Variants in INPP5A observed in about 807,000 individuals in gnomAD.
INPP5A encodes the protein inositol polyphosphate-5-phosphatase A.
A neutral mutation model predicts 65.2 loss-of-function variants in INPP5A; 14 were observed. The ratio of observed to expected loss-of-function variants is 0.21; its 90% CI spans 0.14 to 0.34. The LOEUF (loss-of-function observed/expected upper bound fraction) is 0.34, where lower values mean the gene tolerates loss of function less well. INPP5A is among the 10% of genes least tolerant of loss of function. The pLI is 1.00. For synonymous variants in INPP5A, 207 were observed against 208.3 expected, an observed-to-expected ratio of 0.99 and a Z score of 0.05; for missense variants, 431 against 545.6, an observed-to-expected ratio of 0.79 and a Z score of 2.09.
intron 5 of INPP5A, among the ~76,000 whole-genome samples, chr10:132,691,931 G>A (rs530444164): frequency 2.0e-5 from 3 of 152,126 alleles, no homozygotes; most frequent in South Asian, 2.1e-4. Flanking sequence ...CGGGGTGTGC[G>A]GTCGCGGGAG....
Position 132,650,619 on chromosome 10 carries a change from C to A in INPP5A, c.306+114C>A. The A allele has an allele frequency of 1.3e-6, 1 of 742,488 alleles. No individual in the cohort carries two copies. The highest frequency in any genetic ancestry group is 2.4e-6 in the Non-Finnish European group (1 of 425,268). The allele number at this position is 742,488 out of a possible 1,614,324, so 46.0% of individuals were successfully genotyped here. Reference sequence around the variant, plus strand: ...GGGGTGCTCCCTGCCTGAAGCCTCACTCACGCTGCCCTGCCTGGCACTCCC... The same window carrying A: ...GGGGTGCTCCCTGCCTGAAGCCTCAATCACGCTGCCCTGCCTGGCACTCCC... On this transcript the variant is annotated intron_variant, in intron 4 of 15. Transcript: ENST00000368594. This position sits in a 1 kb window ranked among gnomAD's most constrained non-coding sequence, Gnocchi z 5.5.
chr10:132,754,348 C>T (rs1846552058), intron 11 of INPP5A, among the ~76,000 whole-genome samples: 1 of 152,214 alleles, frequency 6.6e-6, no homozygotes, highest in African/African-American at 2.4e-5. Flanking sequence ...GGAGGCAGGC[C>T]CAGGCCAGGA....
At chr10:132,543,490 C>G (rs998023750) in intron 1 of INPP5A, among the ~76,000 whole-genome samples, 24 of 152,234 alleles carry the variant, frequency 1.6e-4, no homozygotes, top group African/African-American at 5.5e-4. Context: ...GATCGCAGCT[C>G]ACTGTAGCCT....
intron 4 of INPP5A, among the ~76,000 whole-genome samples, chr10:132,690,011 C>T (rs1163027737): frequency 6.6e-6 from 1 of 151,840 alleles, no homozygotes; most frequent in Non-Finnish European, 1.5e-5. Context: ...GGAGCCAGCA[C>T]CGGCTGCACG....
chr10:132,779,346 G>T (rs1199268314), intron 13 of INPP5A, among the ~76,000 whole-genome samples: 1 of 152,260 alleles, frequency 6.6e-6, no homozygotes, highest in African/African-American at 2.4e-5. Context: ...GGAGCCCAGG[G>T]CTGCCACCAG....
chr10:132,595,072 C>T (rs920374298), intron 1 of INPP5A, among the ~76,000 whole-genome samples: 2 of 152,234 alleles, frequency 1.3e-5, no homozygotes, highest in African/African-American at 2.4e-5. Flanking sequence ...AACCTTTGGG[C>T]GTTTTTTTCT....
chr10:132,562,374 G>T (rs1445105547), intron 1 of INPP5A, among the ~76,000 whole-genome samples: 1 of 152,268 alleles, frequency 6.6e-6, no homozygotes, highest in African/African-American at 2.4e-5. Context: ...AGACCTGGCA[G>T]TGTTGTCAGG....
intron 11 of INPP5A, among the ~76,000 whole-genome samples, chr10:132,755,893 T>C (rs967088310): frequency 1.3e-5 from 2 of 152,092 alleles, no homozygotes; most frequent in African/African-American, 4.8e-5. Flanking sequence ...TCCCCTGCAG[T>C]CCAGCCATAC....
intron 1 of INPP5A, among the ~76,000 whole-genome samples, chr10:132,557,276 C>T (rs2071139169): frequency 1.3e-5 from 2 of 152,354 alleles, no homozygotes; most frequent in Admixed American, 1.3e-4. Context: ...TCCCATGGAG[C>T]CTGGGATTTG....
chr10:132,764,796 CG>C, intron 11 of INPP5A, among the ~76,000 whole-genome samples: 1 of 138,470 alleles, frequency 7.2e-6, no homozygotes, highest in African/African-American at 2.8e-5. Context: ...GAAACACGGT[CG>C]GGCCAGTCCT....
At chr10:132,671,468 G>A (rs1051370613) in intron 4 of INPP5A, among the ~76,000 whole-genome samples, 10 of 151,566 alleles carry the variant, frequency 6.6e-5, no homozygotes, top group African/African-American at 1.2e-4. Context: ...TCTGGACTCC[G>A]CCCTCCCTGC....
chr10:132,561,041 C>T (rs940948494), intron 1 of INPP5A, among the ~76,000 whole-genome samples: 13 of 146,634 alleles, frequency 8.9e-5, no homozygotes, highest in East Asian at 4.0e-4. Context: ...TTGATAGTGT[C>T]GTTTGAAGCA....
At chr10:132,775,965 G>A (rs916703533) in intron 12 of INPP5A, among the ~76,000 whole-genome samples, 1 of 152,062 alleles carries the variant, frequency 6.6e-6, no homozygotes, top group Non-Finnish European at 1.5e-5. Context: ...ATGTGTGTCC[G>A]GGGGGCAGTG....
chr10:132,762,603 C>T lies in INPP5A; in HGVS notation c.904-3170C>T, dbSNP rs1335365346. On this transcript the variant is annotated intron_variant, in intron 11 of 15. Transcript: ENST00000368594. The surrounding 1 kb of genome is among the most constrained non-coding windows in gnomAD (Gnocchi z 4.6). Reference sequence around the variant, plus strand: ...CCACAGAGAACCAGGAGTAGCTGAGCTTCTGGAGCAGGGTGGGATGAAGAA... The same window carrying T: ...CCACAGAGAACCAGGAGTAGCTGAGTTTCTGGAGCAGGGTGGGATGAAGAA... Among the ~76,000 whole-genome samples the T allele has an allele frequency of 6.6e-6, 1 of 152,168 alleles. No individual in the cohort carries two copies. Among genetic ancestry groups the T allele is most frequent in the East Asian group, 1.9e-4 (1 of 5,188 alleles).
intron 8 of INPP5A, among the ~76,000 whole-genome samples, chr10:132,726,071 C>A (rs1459211542): frequency 6.6e-6 from 1 of 151,994 alleles, no homozygotes. Flanking sequence ...TTGGCGGTTT[C>A]TGAGATCTTT....
chr10:132,557,133 G>A (rs1048629057), intron 1 of INPP5A, among the ~76,000 whole-genome samples: 1 of 152,332 alleles, frequency 6.6e-6, no homozygotes, highest in East Asian at 1.9e-4. Context: ...AAAGGCCGAC[G>A]GGCCCGGCTT....
At chr10:132,777,826 G>C in intron 13 of INPP5A, 44 bp downstream of exon 13, 3 of 1,599,350 alleles carry the variant, frequency 1.9e-6, no homozygotes, top group Non-Finnish European at 2.6e-6. Context: ...GGGATGTGGA[G>C]CGCTGGGTCT....
intron 8 of INPP5A, among the ~76,000 whole-genome samples, chr10:132,721,473 C>A (rs1280708212): frequency 1.3e-5 from 2 of 150,090 alleles, no homozygotes; most frequent in East Asian, 4.0e-4. Context: ...GCGCCTTAGA[C>A]GGCTGTCTTC....
At chr10:132,640,713 T>C (rs1273093960) in intron 2 of INPP5A, among the ~76,000 whole-genome samples, 1 of 152,268 alleles carries the variant, frequency 6.6e-6, no homozygotes, top group Non-Finnish European at 1.5e-5. Context: ...CCGGAGCCCC[T>C]GCTGATATGC....
Sources: gnomAD v4.1 joint callset for allele counts (sites outside exome capture counted in the v4.1 genomes callset) on GRCh38, gnomAD v4.1.1 for gene constraint, Gnocchi (gnomAD v3.1) non-coding constraint, MANE v1.5 for transcripts, NCBI Gene and HGNC (gene_info 2026-07-23, HGNC 2026-07-21) for gene names.